The following BMPER variants were observed in gnomAD, a reference collection of about 807,000 sequenced individuals.
BMPER encodes the protein BMP-binding endothelial regulator protein.
Under a neutral mutation model 87.3 loss-of-function variants are expected in BMPER, and 45 were observed. The ratio of observed to expected loss-of-function variants is 0.52; its 90% CI spans 0.41 to 0.66. The LOEUF is 0.66. Ranked by LOEUF, BMPER falls within the 30% of genes least tolerant of loss-of-function variation. The probability of loss-of-function intolerance (pLI) is 0.00; values close to 1 mark genes in which losing one functional copy is unlikely to be tolerated. For missense variants in BMPER, 784 were observed against 867.5 expected, an observed-to-expected ratio of 0.90 and a Z score of 1.21; for synonymous variants, 326 against 316.2, an observed-to-expected ratio of 1.03 and a Z score of -0.33.
chr7:33,911,273 G>C (rs757325940), intron 2 of BMPER, among the ~76,000 whole-genome samples: 1 of 152,236 alleles, frequency 6.6e-6, no homozygotes, highest in African/African-American at 2.4e-5. Context: ...GACTAGTTCT[G>C]AGAGTTATTC....
At chr7:34,063,453 G>A (rs1788496233) in intron 11 of BMPER, among the ~76,000 whole-genome samples, 1 of 151,364 alleles carries the variant, frequency 6.6e-6, no homozygotes, top group Non-Finnish European at 1.5e-5. Context: ...TATATATGTT[G>A]CTATTTTTAG....
rs759438335 is a variant in BMPER at position 34,086,081 on chromosome 7, C to T, written c.1734C>T (p.Ala578=). The T allele has an allele frequency of 1.2e-5, 20 of 1,613,670 alleles. No homozygotes were observed. Among genetic ancestry groups the T allele is most frequent in the Admixed American group, 6.7e-5 (4 of 59,968 alleles). ...FQTCHSTVDY[A]TFYRSCVTDM... ...CCTGCCACTCGACTGTGGACTACGC[C>T]ACTTTCTACCGGTAAGTACAGTGTT... Residue 578 remains alanine (A), a synonymous_variant, in exon 13 of 15, where the codon GCC becomes GCT. Transcript: ENST00000649409.
At chr7:34,029,065 A>AT (rs908702319) in intron 6 of BMPER, among the ~76,000 whole-genome samples, 2 of 152,068 alleles carry the variant, frequency 1.3e-5, no homozygotes, top group African/African-American at 4.8e-5. Flanking sequence ...ACATGCTGAG[A>AT]TTTCAAGTAG....
rs1417477996 is a variant in BMPER, at chr7:34,031,921, TATATATACAC to T, written c.577-14383_577-14374del. ...ATATATATATATATATATATATATATATATATACACACACACACACACATATATATACACA... is the reference window on the plus strand; with the variant it reads ...ATATATATATATATATATATATATATACACACACACACATATATATACACA... On this transcript the variant is annotated intron_variant, in intron 6 of 14. Transcript: ENST00000649409. Among the ~76,000 whole-genome samples, 4 of 109,856 alleles carry T rather than the reference TATATATACAC, an allele frequency of 3.6e-5. No homozygotes were observed. The East Asian group carries it at 8.0e-4, about 22-fold the overall frequency. The allele number at this position is 109,856 out of a possible 152,430, so 72.1% of individuals were successfully genotyped here. A position where few individuals can be genotyped will look rare whatever the true frequency, so the allele number is the denominator to read the frequency against.
chr7:34,145,499 T>C (rs1255568468), intron 14 of BMPER, among the ~76,000 whole-genome samples: 1 of 152,188 alleles, frequency 6.6e-6, no homozygotes, highest in East Asian at 1.9e-4. Flanking sequence ...AGGCAAATGG[T>C]CCACCTCTAA....
At chr7:33,929,048 C>T (rs1433348490) in intron 2 of BMPER, among the ~76,000 whole-genome samples, 3 of 151,976 alleles carry the variant, frequency 2.0e-5, no homozygotes, top group Non-Finnish European at 4.4e-5. Context: ...GCAAAATAAT[C>T]GGGGGGCCCC....
At chr7:34,111,070 A>G (rs570889178) in intron 13 of BMPER, among the ~76,000 whole-genome samples, 5 of 152,386 alleles carry the variant, frequency 3.3e-5, no homozygotes, top group Middle Eastern at 3.4e-3. Flanking sequence ...TGGGATTTCC[A>G]TAAGAAAGAT....
chr7:34,121,834 A>C (rs1312172260), intron 13 of BMPER, among the ~76,000 whole-genome samples: 1 of 152,148 alleles, frequency 6.6e-6, no homozygotes, highest in Non-Finnish European at 1.5e-5. Context: ...AGAAATACAG[A>C]GCAAAGGCCA....
chr7:33,981,130 C>A (rs993540303), intron 6 of BMPER, among the ~76,000 whole-genome samples: 1 of 152,320 alleles, frequency 6.6e-6, no homozygotes, highest in Non-Finnish European at 1.5e-5. Flanking sequence ...AGAACCTCTC[C>A]ATCCTTGCTA....
At chr7:34,028,329 A>G (rs558135418) in intron 6 of BMPER, among the ~76,000 whole-genome samples, 1 of 152,130 alleles carries the variant, frequency 6.6e-6, no homozygotes, top group East Asian at 1.9e-4. Context: ...TAAATTGGTT[A>G]TTTATGTTAG....
chr7:33,943,671 A>T lies in BMPER; in HGVS notation c.319+6283A>T, dbSNP rs78482684. Among the ~76,000 whole-genome samples, 620 of 152,272 alleles carry T rather than the reference A, an allele frequency of 4.1e-3. 25 individuals carry two copies. The East Asian group carries it at 0.089, about 22-fold the overall frequency. On this transcript the variant is annotated intron_variant, in intron 3 of 14. Transcript: ENST00000649409. ...CTATTTTCTTTCCCTCTTCCCTGAG[A>T]GTTTTTAAGCCCTTTCTCCGTAAAA...
intron 6 of BMPER, among the ~76,000 whole-genome samples, chr7:33,986,914 G>T (rs1206892329): frequency 6.6e-6 from 1 of 152,004 alleles, no homozygotes; most frequent in African/African-American, 2.4e-5. Flanking sequence ...GGCTTTCCCT[G>T]CTCCTTTGTT....
At chr7:34,110,175 A>G (rs1382427196) in intron 13 of BMPER, among the ~76,000 whole-genome samples, 1 of 152,054 alleles carries the variant, frequency 6.6e-6, no homozygotes, top group Non-Finnish European at 1.5e-5. Context: ...TGTAGTTTGC[A>G]TTTTTATCAT....
chr7:34,046,393 C>T lies in BMPER; in HGVS notation c.664C>T (p.Pro222Ser), dbSNP rs148867097. 304 of 1,613,698 alleles carry T rather than the reference C, an allele frequency of 1.9e-4. No homozygotes were observed. In the African/African-American group the frequency reaches 3.6e-3, roughly 19 times the overall value. The change falls in exon 7 of 15, where the codon CCC (proline) becomes TCC (serine). Residue 222 changes from proline to serine, a missense_variant. Physicochemically the swap from Pro to Ser is moderately conservative, Grantham distance 74. Transcript: ENST00000649409. ...TCACATACCCCCAGGACAGTGCTGC[C>T]CCAAATGTTTGGGTGAGTTACTATT... ...LSHIPPGQCC[P>S]KCLGQRKVFD...
chr7:33,996,668 A>ACATATG (rs1786420851), intron 6 of BMPER, among the ~76,000 whole-genome samples: 1 of 152,230 alleles, frequency 6.6e-6, no homozygotes, highest in South Asian at 2.1e-4. Flanking sequence ...GGTGTGAGCC[A>ACATATG]CATATGCAAT....
At chr7:34,077,926 T>A (rs1379952459) in intron 11 of BMPER, among the ~76,000 whole-genome samples, 1 of 152,170 alleles carries the variant, frequency 6.6e-6, no homozygotes, top group South Asian at 2.1e-4. Context: ...ATTTTTTTTT[T>A]AATTATTTGG....
intron 13 of BMPER, among the ~76,000 whole-genome samples, chr7:34,113,827 C>T (rs1192247779): frequency 6.6e-6 from 1 of 152,096 alleles, no homozygotes; most frequent in Non-Finnish European, 1.5e-5. Flanking sequence ...TGTAATTACT[C>T]AACCACAATA....
chr7:34,088,197 G>A (rs1178016150), intron 13 of BMPER, among the ~76,000 whole-genome samples: 1 of 152,160 alleles, frequency 6.6e-6, no homozygotes, highest in African/African-American at 2.4e-5. Context: ...GTGCTCTCCT[G>A]ATCAGTGTCA....
At chr7:34,122,340 CA>C (rs1293316107) in intron 13 of BMPER, among the ~76,000 whole-genome samples, 9 of 152,172 alleles carry the variant, frequency 5.9e-5, no homozygotes, top group African/African-American at 2.2e-4. Context: ...GGTTTTAGAC[CA>C]GAGCTTCTCA....
Sources: gnomAD v4.1 joint callset for allele counts (sites outside exome capture counted in the v4.1 genomes callset) on GRCh38, gnomAD v4.1.1 for gene constraint, MANE v1.5 for transcripts, NCBI Gene and HGNC (gene_info 2026-07-23, HGNC 2026-07-21) for gene names.